The following CLVS1 variants were observed in gnomAD, a reference collection of about 807,000 sequenced individuals.
CLVS1 encodes clavesin 1, also known as clavesin-1.
CLVS1 carries 10 observed loss-of-function variants against 33.1 expected under a neutral mutation model. The observed-to-expected ratio is 0.30, with a 90% CI of 0.19 to 0.51. The LOEUF (loss-of-function observed/expected upper bound fraction) is 0.51, where lower values mean the gene tolerates loss of function less well. CLVS1 is among the 20% of genes least tolerant of loss of function. The pLI is 0.97. For synonymous variants in CLVS1, 163 were observed against 166.1 expected, an observed-to-expected ratio of 0.98 and a Z score of 0.14; for missense variants, 343 against 433.4, an observed-to-expected ratio of 0.79 and a Z score of 1.85.
intron 3 of CLVS1, among the ~76,000 whole-genome samples, chr8:61,451,501 A>C (rs1816950223): frequency 6.6e-6 from 1 of 152,144 alleles, no homozygotes; most frequent in Admixed American, 6.5e-5. Flanking sequence ...TTGAACTTAG[A>C]GTATGTTGGT....
chr8:61,195,837 C>T (rs965301368), intron 2 of CLVS1, among the ~76,000 whole-genome samples: 1 of 151,892 alleles, frequency 6.6e-6, no homozygotes, highest in African/African-American at 2.4e-5. Context: ...TGAATGGCCA[C>T]AGTAATAAAA....
intron 2 of CLVS1, among the ~76,000 whole-genome samples, chr8:61,358,332 G>T (rs776000850): frequency 6.6e-5 from 10 of 152,268 alleles, no homozygotes; most frequent in Middle Eastern, 3.4e-3. Flanking sequence ...TACACTGTGT[G>T]CAAACACACA....
At position 61,403,931 on chromosome 8, in the gene CLVS1, T is replaced by C. The variant is rs753707204; in HGVS notation, c.630+27152T>C. 4.6e-5 allele frequency among the ~76,000 whole-genome samples: 7 copies of C among 151,866 alleles called. No homozygotes were observed. In the South Asian group the frequency reaches 1.4e-3, roughly 31 times the overall value. ...GTGTGATCAAGAAGGCTTCAGGAAA[T>C]GAAGTGGGCATTGAACAGTAGGAGC... On this transcript the variant is annotated intron_variant, in intron 3 of 5. Coordinates refer to ENST00000325897, the MANE Select transcript of CLVS1 (RefSeq NM_173519.3).
chr8:61,045,473 C>T, the CLVS1 span, among the ~76,000 whole-genome samples: 2 of 152,144 alleles, frequency 1.3e-5, no homozygotes, highest in Non-Finnish European at 2.9e-5. Flanking sequence ...CTACCCCATG[C>T]CACACCATTT....
intron 5 of CLVS1, among the ~76,000 whole-genome samples, chr8:61,483,468 A>G (rs1042495251): frequency 6.6e-6 from 1 of 152,208 alleles, no homozygotes; most frequent in African/African-American, 2.4e-5. Flanking sequence ...CCAACCAAAA[A>G]AAGTCCAGGA....
At chr8:60,975,419 G>T in the CLVS1 span, among the ~76,000 whole-genome samples, 1 of 152,148 alleles carries the variant, frequency 6.6e-6, no homozygotes, top group Non-Finnish European at 1.5e-5. Flanking sequence ...TTTAGGGTGG[G>T]TCTAAATCCA....
intron 2 of CLVS1, among the ~76,000 whole-genome samples, chr8:61,272,527 C>T (rs1042260342): frequency 1.5e-4 from 23 of 152,206 alleles, no homozygotes; most frequent in Non-Finnish European, 2.6e-4. Flanking sequence ...TTTCCTGAAT[C>T]TGAACGTTGG....
At chr8:61,032,094 G>A in the CLVS1 span, among the ~76,000 whole-genome samples, 1 of 152,174 alleles carries the variant, frequency 6.6e-6, no homozygotes, top group Non-Finnish European at 1.5e-5. Context: ...GTACAACCCA[G>A]CCAGAAATAG....
intron 2 of CLVS1, among the ~76,000 whole-genome samples, chr8:61,263,960 G>T (rs991197648): frequency 2.0e-5 from 3 of 152,140 alleles, no homozygotes; most frequent in Non-Finnish European, 2.9e-5. Flanking sequence ...GGTAATTGTC[G>T]CAGAGATTGA....
intron 1 of CLVS1, among the ~76,000 whole-genome samples, chr8:61,099,747 C>T (rs1805415981): frequency 2.6e-5 from 4 of 152,184 alleles, no homozygotes; most frequent in South Asian, 2.1e-4. Flanking sequence ...TCATCATTTA[C>T]AGCAGCAGCA....
At chr8:61,124,527 T>C (rs578096307) in intron 1 of CLVS1, among the ~76,000 whole-genome samples, 5 of 152,230 alleles carry the variant, frequency 3.3e-5, no homozygotes, top group African/African-American at 4.8e-5. Flanking sequence ...CCCTCTCTAG[T>C]TGATCTGATC....
At chr8:61,273,320 G>A (rs1392016062) in intron 2 of CLVS1, among the ~76,000 whole-genome samples, 1 of 152,220 alleles carries the variant, frequency 6.6e-6, no homozygotes, top group African/African-American at 2.4e-5. Flanking sequence ...AGGGTTCAGG[G>A]ACCCACTTGA....
chr8:61,116,421 C>T (rs1029474746), intron 1 of CLVS1, among the ~76,000 whole-genome samples: 14 of 152,174 alleles, frequency 9.2e-5, no homozygotes, highest in East Asian at 1.9e-4. Context: ...TTGCTTTTGG[C>T]GTTTTAGACA....
intron 1 of CLVS1, among the ~76,000 whole-genome samples, chr8:61,075,104 A>G (rs1308187031): frequency 6.6e-6 from 1 of 152,146 alleles, no homozygotes. Context: ...TCCGTGACCC[A>G]GGCTGAAGGG....
chr8:61,371,001 C>A (rs1322732047), intron 2 of CLVS1, among the ~76,000 whole-genome samples: 2 of 152,144 alleles, frequency 1.3e-5, no homozygotes, highest in African/African-American at 4.8e-5. Context: ...TTCTTTTCCT[C>A]TGAGTAGATA....
At chr8:61,216,201 T>C (rs1472246808) in intron 2 of CLVS1, among the ~76,000 whole-genome samples, 1 of 152,216 alleles carries the variant, frequency 6.6e-6, no homozygotes, top group Non-Finnish European at 1.5e-5. Flanking sequence ...AGATGAAATA[T>C]TGGCACAGGC....
At chr8:61,163,502 C>T (rs955352133) in intron 2 of CLVS1, among the ~76,000 whole-genome samples, 15 of 152,150 alleles carry the variant, frequency 9.9e-5, no homozygotes, top group African/African-American at 3.1e-4. Flanking sequence ...CCCTCCAAGC[C>T]GTTGCCTTAT....
chr8:61,278,548 A>G (rs1167533999), intron 2 of CLVS1, among the ~76,000 whole-genome samples: 1 of 152,248 alleles, frequency 6.6e-6, no homozygotes, highest in African/African-American at 2.4e-5. Flanking sequence ...TGTTGGACAT[A>G]ACTTTCCAAG....
intron 1 of CLVS1, among the ~76,000 whole-genome samples, chr8:61,116,780 A>G (rs1805732966): frequency 7.0e-6 from 1 of 141,902 alleles, no homozygotes; most frequent in South Asian, 2.5e-4. Flanking sequence ...GTAGCCTTGT[A>G]GTATAGTTTG....
Sources: gnomAD v4.1 joint callset for allele counts (sites outside exome capture counted in the v4.1 genomes callset) on GRCh38, gnomAD v4.1.1 for gene constraint, MANE v1.5 for transcripts, NCBI Gene and HGNC (gene_info 2026-07-23, HGNC 2026-07-21) for gene names.